Variants in ATP8A2 observed in about 807,000 individuals in gnomAD.
ATP8A2 encodes the protein phospholipid-transporting ATPase IB.
A neutral mutation model predicts 165.6 loss-of-function variants in ATP8A2; 100 were observed. The ratio of observed to expected loss-of-function variants is 0.60; its 90% confidence interval spans 0.51 to 0.71. ATP8A2 has a LOEUF of 0.71. ATP8A2 is among the 30% of genes least tolerant of loss of function. ATP8A2 has a pLI of 0.00. For missense variants in ATP8A2, 1,227 were observed against 1,479.5 expected (o/e 0.83, Z 2.80); for synonymous variants, 543 against 548.8 (o/e 0.99, Z 0.15).
chr13:25,376,523 T>G (rs1477714339), intron 1 of ATP8A2, among the ~76,000 whole-genome samples: 1 of 152,226 alleles, frequency 6.6e-6, no homozygotes, highest in African/African-American at 2.4e-5. Flanking sequence ...TATATGGCAT[T>G]CAAAAGATTC....
intron 30 of ATP8A2, among the ~76,000 whole-genome samples, chr13:25,846,690 G>C (rs1439959353): frequency 6.6e-6 from 1 of 152,138 alleles, no homozygotes; most frequent in African/African-American, 2.4e-5. Context: ...TGTGCAGTCT[G>C]ATTTATTGTA....
rs543824246 is a variant in ATP8A2, at chr13:25,534,006, T to A, written c.507+693T>A. On this transcript the variant is annotated intron_variant, in intron 6 of 36. Transcript: ENST00000381655. The stretch of plus-strand genomic sequence containing the variant: ...AGCATTCAAAGCCGATTAACATGAT[T>A]TCAAAAGAAAACAGCTTTTTAGAAG... Among the ~76,000 whole-genome samples, 6 of 152,360 alleles carry A rather than the reference T, an allele frequency of 3.9e-5. No individual in the cohort carries two copies. In the South Asian group the frequency reaches 1.2e-3, roughly 32 times the overall value.
intron 35 of ATP8A2, among the ~76,000 whole-genome samples, chr13:25,971,482 C>T (rs1955912029): frequency 6.6e-6 from 1 of 152,116 alleles, no homozygotes; most frequent in Admixed American, 6.5e-5. Flanking sequence ...TCACCCCTCC[C>T]TGTTCCTTCT....
chr13:25,779,335 G>A (rs2044816864), intron 27 of ATP8A2, among the ~76,000 whole-genome samples: 1 of 123,232 alleles, frequency 8.1e-6, no homozygotes, highest in African/African-American at 3.0e-5. Context: ...GTAAAATCCT[G>A]TTGTTGTCTA....
chr13:25,995,971 A>C (rs1956492743), intron 35 of ATP8A2, among the ~76,000 whole-genome samples: 1 of 152,176 alleles, frequency 6.6e-6, no homozygotes, highest in South Asian at 2.1e-4. Context: ...TGGTGCATAG[A>C]CATTCAGGAT....
At chr13:26,003,976 G>T (rs1956688361) in intron 35 of ATP8A2, among the ~76,000 whole-genome samples, 1 of 152,008 alleles carries the variant, frequency 6.6e-6, no homozygotes, top group South Asian at 2.1e-4. Context: ...TTTTCTTAGT[G>T]CTCAAGATTG....
rs934698811 is a variant in ATP8A2 at position 25,592,520 on chromosome 13, G to A, written c.2211+2821G>A. 3.3e-5 allele frequency among the ~76,000 whole-genome samples: 5 copies of A among 152,162 alleles called. No individual in the cohort carries two copies. The East Asian group carries it at 9.6e-4, about 29-fold the overall frequency. On this transcript the variant is annotated intron_variant, in intron 24 of 36. Coordinates refer to ENST00000381655, the MANE Select transcript of ATP8A2 (RefSeq NM_016529.6). ...ATGAGTAAGCCAAAACACCGCATCG[G>A]TGGACAGGAGAGCAGAGTGCTCCTG...
intron 2 of ATP8A2, among the ~76,000 whole-genome samples, chr13:25,504,160 A>C (rs1362908762): frequency 6.6e-6 from 1 of 152,144 alleles, no homozygotes; most frequent in Non-Finnish European, 1.5e-5. Flanking sequence ...GTGCTCCACT[A>C]CCCTGCTACC....
intron 27 of ATP8A2, among the ~76,000 whole-genome samples, chr13:25,822,710 T>A (rs1951213415): frequency 6.6e-6 from 1 of 152,208 alleles, no homozygotes. Flanking sequence ...TTAATATCAG[T>A]TTTCTTTCAA....
intron 24 of ATP8A2, among the ~76,000 whole-genome samples, chr13:25,655,047 G>T (rs1370970427): frequency 6.6e-6 from 1 of 152,174 alleles, no homozygotes; most frequent in African/African-American, 2.4e-5. Context: ...ACAAGTGGTT[G>T]GTTGTCTGAG....
At chr13:25,792,648 C>T (rs1455187916) in intron 27 of ATP8A2, among the ~76,000 whole-genome samples, 2 of 152,150 alleles carry the variant, frequency 1.3e-5, no homozygotes, top group African/African-American at 4.8e-5. Context: ...CAGTGGCTCA[C>T]ACCTGTAATC....
chr13:26,004,308 G>A (rs1187639915), intron 35 of ATP8A2, among the ~76,000 whole-genome samples: 1 of 151,726 alleles, frequency 6.6e-6, no homozygotes, highest in African/African-American at 2.4e-5. Flanking sequence ...TTTCATTTTT[G>A]GATAGTTCAT....
chr13:25,929,233 G>A (rs1954696301), intron 33 of ATP8A2, among the ~76,000 whole-genome samples: 1 of 152,096 alleles, frequency 6.6e-6, no homozygotes, highest in South Asian at 2.1e-4. Context: ...GGAAGTCACC[G>A]GACGTCCAGC....
intron 30 of ATP8A2, among the ~76,000 whole-genome samples, chr13:25,850,004 C>CTGT (rs1456829184): frequency 2.6e-5 from 4 of 152,146 alleles, no homozygotes; most frequent in African/African-American, 4.8e-5. Context: ...GTTACCTTTT[C>CTGT]TGTTGTTGTT....
chr13:26,004,016 C>A (rs1956689737), intron 35 of ATP8A2, among the ~76,000 whole-genome samples: 1 of 152,062 alleles, frequency 6.6e-6, no homozygotes, highest in South Asian at 2.1e-4. Flanking sequence ...TTTGTGGTTC[C>A]ATATAATCTT....
At chr13:25,825,809 C>T (rs1951300059) in intron 27 of ATP8A2, among the ~76,000 whole-genome samples, 1 of 152,008 alleles carries the variant, frequency 6.6e-6, no homozygotes, top group Non-Finnish European at 1.5e-5. Flanking sequence ...GCACAGAACA[C>T]AGCATGAATC....
At chr13:25,778,854 A>G (rs945263884) in intron 27 of ATP8A2, among the ~76,000 whole-genome samples, 1 of 152,238 alleles carries the variant, frequency 6.6e-6, no homozygotes, top group African/African-American at 2.4e-5. Context: ...ATTGATGTAC[A>G]GCAAGATAAA....
chr13:25,538,024 C>A lies in ATP8A2; in HGVS notation c.544C>A (p.Gln182Lys). The change falls in exon 7 of 37, where the codon CAG becomes AAG. Residue 182 changes from glutamine to lysine, a missense_variant. Physicochemically the swap from Gln to Lys is moderately conservative, Grantham distance 53. This residue lies in a region of ATP8A2 where 356 missense variants were observed against 394.9 expected (regional missense o/e 0.90). Transcript: ENST00000381655. The part of the protein sequence containing the change: ...VGDIVKVVNG[Q>K]YLPADVVLLS... ...AGACATTGTGAAGGTCGTCAATGGGCAGTATCTTCCAGCAGATGTGGTCCT... is the reference window on the plus strand; with the variant it reads ...AGACATTGTGAAGGTCGTCAATGGGAAGTATCTTCCAGCAGATGTGGTCCT... 1.2e-6 allele frequency: 2 copies of A among 1,613,960 alleles called. No homozygotes were observed. Among genetic ancestry groups the A allele is most frequent in the Middle Eastern group, 1.7e-4 (1 of 6,058 alleles).
At chr13:25,919,883 C>G (rs1203439284) in intron 33 of ATP8A2, among the ~76,000 whole-genome samples, 1 of 152,140 alleles carries the variant, frequency 6.6e-6, no homozygotes, top group Non-Finnish European at 1.5e-5. Context: ...AACTCCCACG[C>G]TCAGGCAGTG....
Sources: gnomAD v4.1 joint callset for allele counts (sites outside exome capture counted in the v4.1 genomes callset) on GRCh38, gnomAD v4.1.1 for gene constraint, gnomAD v4.1.1 regional missense constraint, MANE v1.5 for transcripts, NCBI Gene and HGNC (gene_info 2026-07-23, HGNC 2026-07-21) for gene names.